Variants in RBFOX3 observed in about 807,000 individuals in gnomAD.
The protein encoded by RBFOX3 is RNA binding fox-1 homolog 3, also known as RNA binding protein fox-1 homolog 3.
In RBFOX3, 17 loss-of-function variants were observed where a neutral mutation model predicts 48.7. The observed-to-expected ratio is 0.35, with a 90% CI of 0.24 to 0.52. The LOEUF is 0.52. Among genes scored for constraint, RBFOX3 ranks in the 20% least tolerant of loss-of-function variants. RBFOX3 has a pLI of 0.94. For missense variants in RBFOX3, 382 were observed against 497.5 expected, an observed-to-expected ratio of 0.77 and a Z score of 2.21; for synonymous variants, 212 against 209.5, an observed-to-expected ratio of 1.01 and a Z score of -0.10.
intron 2 of RBFOX3, among the ~76,000 whole-genome samples, chr17:79,457,228 G>A (rs781793730): frequency 2.6e-5 from 4 of 152,190 alleles, no homozygotes; most frequent in Admixed American, 6.5e-5. Flanking sequence ...GTTGATGGTC[G>A]GACGGATGAG....
chr17:79,509,643 G>A (rs1417452513), intron 1 of RBFOX3, among the ~76,000 whole-genome samples: 5 of 152,166 alleles, frequency 3.3e-5, no homozygotes, highest in African/African-American at 1.2e-4. Context: ...CGGCGCCTGG[G>A]AGAGCTATGA....
chr17:79,547,692 T>C lies in RBFOX3; in HGVS notation c.-320+63134A>G, dbSNP rs532109260. ...AGACCACAGCATGTACCACACCCAG[T>C]CCAGGGGCTGCCGTCCAGCACCTGC... On this transcript the variant is annotated intron_variant, in intron 1 of 14. Coordinates refer to ENST00000693108, the MANE Select transcript of RBFOX3 (RefSeq NM_001350451.2). 6.6e-5 allele frequency among the ~76,000 whole-genome samples: 10 copies of C among 152,264 alleles called. No individual in the cohort carries two copies. In the East Asian group the frequency reaches 1.4e-3, roughly 21 times the overall value.
rs953099367 is a variant in RBFOX3 at position 79,587,550 on chromosome 17, G to A, written c.-320+23276C>T. Among the ~76,000 whole-genome samples, 151 of 152,292 alleles carry A rather than the reference G, an allele frequency of 9.9e-4. 1 individual carries two copies. The highest frequency in any genetic ancestry group is 5.0e-3 in the Admixed American group (77 of 15,296). ...CTGGTGAGAATAAACAGGGAACACC[G>A]GCATCGTCTACAAACCCAGTGGAGC... On this transcript the variant is annotated intron_variant, in intron 1 of 14. Coordinates refer to ENST00000693108, the MANE Select transcript of RBFOX3 (RefSeq NM_001350451.2).
At chr17:79,447,193 C>T (rs1176034143) in intron 2 of RBFOX3, among the ~76,000 whole-genome samples, 2 of 152,238 alleles carry the variant, frequency 1.3e-5, no homozygotes, top group African/African-American at 2.4e-5. Context: ...AACCCGCTTT[C>T]GGCATGCCTC....
intron 1 of RBFOX3, among the ~76,000 whole-genome samples, chr17:79,511,099 G>A (rs898793619): frequency 3.3e-5 from 5 of 152,130 alleles, no homozygotes; most frequent in Non-Finnish European, 5.9e-5. Context: ...CCTCATCCAC[G>A]CAGGGGCACC....
At chr17:79,425,300 C>T (rs1555724895) in intron 2 of RBFOX3, among the ~76,000 whole-genome samples, 1 of 152,186 alleles carries the variant, frequency 6.6e-6, no homozygotes, top group Non-Finnish European at 1.5e-5. Flanking sequence ...GTGCCCTGAG[C>T]AAGTCCCCTC....
chr17:79,275,105 CCT>C (rs1050366340), intron 3 of RBFOX3, among the ~76,000 whole-genome samples: 12 of 139,240 alleles, frequency 8.6e-5, no homozygotes, highest in African/African-American at 3.2e-4. Flanking sequence ...CTTCTCTCTG[CCT>C]CTCTCTCCAT....
At chr17:79,582,467 G>A (rs2093103755) in intron 1 of RBFOX3, among the ~76,000 whole-genome samples, 1 of 152,176 alleles carries the variant, frequency 6.6e-6, no homozygotes, top group African/African-American at 2.4e-5. Flanking sequence ...ACTTGGGGAA[G>A]GGGAAGACAA....
At position 79,481,800 on chromosome 17, in the gene RBFOX3, G is replaced by A. The variant is rs552980210; in HGVS notation, c.-175+654C>T. 6.6e-6 allele frequency among the ~76,000 whole-genome samples: 1 copy of A among 152,270 alleles called. No individual in the cohort carries two copies. The highest frequency in any genetic ancestry group is 2.4e-5 in the African/African-American group (1 of 41,554). Reference sequence around the variant, plus strand: ...TGCTTTTTTGTTGCTGTCGTTCTGTGAACTGTAGCAAATTATCAAAACTGA... The same window carrying A: ...TGCTTTTTTGTTGCTGTCGTTCTGTAAACTGTAGCAAATTATCAAAACTGA... On this transcript the variant is annotated intron_variant, in intron 2 of 14. Coordinates refer to ENST00000693108, the MANE Select transcript of RBFOX3 (RefSeq NM_001350451.2). The surrounding 1 kb of genome is among the most constrained non-coding windows in gnomAD (Gnocchi z 5.4).
intron 3 of RBFOX3, among the ~76,000 whole-genome samples, chr17:79,291,651 A>G (rs1368921377): frequency 7.2e-5 from 11 of 152,176 alleles, no homozygotes; most frequent in Admixed American, 6.5e-4. Context: ...CCAGGGAGGC[A>G]GGACCAAACA....
chr17:79,109,538 T>G lies in RBFOX3; in HGVS notation c.223-2750A>C, dbSNP rs186697991. Among the ~76,000 whole-genome samples, 6 of 152,308 alleles carry G rather than the reference T, an allele frequency of 3.9e-5. No individual in the cohort carries two copies. In the East Asian group the frequency reaches 1.2e-3, roughly 29 times the overall value. ...GCAGAAAGCAAGCCTATGCTAGACC[T>G]CCGGAGGGGACGACCTTACCCCTGA... On this transcript the variant is annotated intron_variant, in intron 5 of 14. Transcript: ENST00000693108.
At chr17:79,548,396 AG>A (rs2090750484) in intron 1 of RBFOX3, among the ~76,000 whole-genome samples, 1 of 152,218 alleles carries the variant, frequency 6.6e-6, no homozygotes, top group Non-Finnish European at 1.5e-5. Context: ...GGTCCAAGTC[AG>A]CGTCCTGCCT....
At chr17:79,396,132 G>A (rs2061969680) in intron 2 of RBFOX3, among the ~76,000 whole-genome samples, 1 of 152,236 alleles carries the variant, frequency 6.6e-6, no homozygotes, top group Non-Finnish European at 1.5e-5. Context: ...TCTCCACCTG[G>A]GGCCGGAGGG....
chr17:79,375,358 G>GAC (rs534923135), intron 2 of RBFOX3, among the ~76,000 whole-genome samples: 13,469 of 136,124 alleles, frequency 0.099, 732 homozygotes, highest in Admixed American at 0.11. Context: ...GAAGACAGAA[G>GAC]ACACACACAC....
At chr17:79,283,954 G>A (rs4789991) in intron 3 of RBFOX3, among the ~76,000 whole-genome samples, 2,613 of 84,546 alleles carry the variant, frequency 0.031, 140 homozygotes, top group East Asian at 0.073. Context: ...AAATGGAGAT[G>A]CCTTCTCCAG....
chr17:79,533,185 C>A (rs937526552), intron 1 of RBFOX3, among the ~76,000 whole-genome samples: 1 of 152,240 alleles, frequency 6.6e-6, no homozygotes, highest in Non-Finnish European at 1.5e-5. Context: ...TTGAACCCGG[C>A]CATTTCATGT....
intron 4 of RBFOX3, among the ~76,000 whole-genome samples, chr17:79,155,218 C>CCA (rs371116038): frequency 2.0e-5 from 3 of 152,264 alleles, no homozygotes; most frequent in African/African-American, 7.2e-5. Flanking sequence ...AACACAGAGC[C>CCA]CACAAGGTGG....
At position 79,249,959 on chromosome 17, in the gene RBFOX3, C is replaced by T. The variant is rs565592389; in HGVS notation, c.-73-14154G>A. Among the ~76,000 whole-genome samples the T allele has an allele frequency of 2.2e-3, 329 of 152,324 alleles. 1 individual carries two copies. Among genetic ancestry groups the T allele is most frequent in the African/African-American group, 7.2e-3 (298 of 41,570 alleles). On this transcript the variant is annotated intron_variant, in intron 3 of 14. Transcript: ENST00000693108. The surrounding 1 kb of genome is among the most constrained non-coding windows in gnomAD (Gnocchi z 4.1). ...CTGCACCTGCCGGCATCCCTGGCATCGCTTTGGCTCTTGCGAGAGGGAGCC... is the reference window on the plus strand; with the variant it reads ...CTGCACCTGCCGGCATCCCTGGCATTGCTTTGGCTCTTGCGAGAGGGAGCC...
chr17:79,093,923 C>T (rs976863193), intron 14 of RBFOX3, among the ~76,000 whole-genome samples: 11 of 152,108 alleles, frequency 7.2e-5, no homozygotes, highest in East Asian at 3.9e-4. Context: ...TTCCCCAGGA[C>T]GCCAGGAGCC....
Sources: gnomAD v4.1 joint callset for allele counts (sites outside exome capture counted in the v4.1 genomes callset) on GRCh38, gnomAD v4.1.1 for gene constraint, Gnocchi (gnomAD v3.1) non-coding constraint, MANE v1.5 for transcripts, NCBI Gene and HGNC (gene_info 2026-07-23, HGNC 2026-07-21) for gene names.